The following DHRSX variants were observed in gnomAD, a reference collection of about 807,000 sequenced individuals.
The protein encoded by DHRSX is dehydrogenase/reductase X-linked, also known as polyprenol dehydrogenase.
A neutral mutation model predicts 34.0 loss-of-function variants in DHRSX; 31 were observed. That is an observed-to-expected ratio of 0.91 (90% CI 0.69 to 1.23). The LOEUF is 1.23. Among genes scored for constraint, DHRSX ranks in the 50% most tolerant of loss-of-function variants. The pLI is 0.00. For synonymous variants in DHRSX, 201 were observed against 183.8 expected (o/e 1.09, Z -0.76); for missense variants, 414 against 428.1 (o/e 0.97, Z 0.29).
chrX:2,224,007 G>A (rs946679567), intron 6 of DHRSX, among the ~76,000 whole-genome samples: 10 of 152,220 alleles, frequency 6.6e-5, no homozygotes, highest in African/African-American at 1.4e-4. Context: ...TTCCTGCTGC[G>A]CAGAAATGAG....
intron 5 of DHRSX, chrX:2,261,829 G>A (rs1328612254): frequency 6.6e-6 from 1 of 152,134 alleles, no homozygotes; most frequent in African/African-American, 2.4e-5. Flanking sequence ...CAACCCCAAA[G>A]TGAGCTCTCA....
chrX:2,291,899 T>TTG (rs1236307345), intron 3 of DHRSX, among the ~76,000 whole-genome samples: 1 of 146,278 alleles, frequency 6.8e-6, no homozygotes, highest in African/African-American at 2.5e-5. Flanking sequence ...TTTTTGTATT[T>TTG]TTTTTTTTTT....
At chrX:2,314,457 GGAAGGAAGGGGA>G (rs2042214142) in intron 3 of DHRSX, among the ~76,000 whole-genome samples, 1 of 75,830 alleles carries the variant, frequency 1.3e-5, no homozygotes, top group Non-Finnish European at 2.9e-5. Context: ...GGAGAAGGGA[GGAAGGAAGGGGA>G]GAAGGAAGGA....
intron 5 of DHRSX, among the ~76,000 whole-genome samples, chrX:2,246,804 C>T (rs36174613): frequency 0.44 from 65,669 of 150,638 alleles, 15,636 homozygotes; most frequent in Middle Eastern, 0.58. Context: ...AAACTTTGAC[C>T]TAAGGATCTG....
intron 5 of DHRSX, among the ~76,000 whole-genome samples, chrX:2,248,347 G>A (rs1297946647): frequency 1.3e-5 from 2 of 150,856 alleles, no homozygotes; most frequent in Non-Finnish European, 3.0e-5. Flanking sequence ...GCAGGAGAAT[G>A]GTGTGAACCC....
intron 1 of DHRSX, among the ~76,000 whole-genome samples, chrX:2,441,792 G>T (rs1156372623): frequency 1.3e-5 from 2 of 152,180 alleles, no homozygotes; most frequent in Non-Finnish European, 2.9e-5. Flanking sequence ...GACTCACACG[G>T]CTGGGCACAG....
chrX:2,291,265 G>A (rs1255909411), intron 4 of DHRSX, among the ~76,000 whole-genome samples: 1 of 152,174 alleles, frequency 6.6e-6, no homozygotes, highest in Non-Finnish European at 1.5e-5. Context: ...ACAAGTCAAC[G>A]TGTCAACTCC....
At chrX:2,420,364 C>T (rs1167875864) in intron 2 of DHRSX, among the ~76,000 whole-genome samples, 4 of 150,860 alleles carry the variant, frequency 2.7e-5, no homozygotes, top group African/African-American at 4.9e-5. Flanking sequence ...GCTGAGATCG[C>T]GCCACTGCAC....
intron 3 of DHRSX, among the ~76,000 whole-genome samples, chrX:2,342,457 G>T (rs1259083500): frequency 6.6e-6 from 1 of 151,932 alleles, no homozygotes; most frequent in African/African-American, 2.4e-5. Flanking sequence ...CCATGAGTTC[G>T]ACGGTGCCCA....
chrX:2,230,018 T>C (rs1437020687), intron 6 of DHRSX, among the ~76,000 whole-genome samples: 1 of 152,206 alleles, frequency 6.6e-6, no homozygotes, highest in African/African-American at 2.4e-5. Flanking sequence ...TGTGCACACA[T>C]GCATGTGGGC....
At chrX:2,377,742 CT>C (rs745465210) in intron 3 of DHRSX, among the ~76,000 whole-genome samples, 8,097 of 144,336 alleles carry the variant, frequency 0.056, 427 homozygotes, top group African/African-American at 0.14. Context: ...GCACACAATA[CT>C]TTTTTTTTTT....
chrX:2,243,922 A>G (rs1225062536), intron 5 of DHRSX, among the ~76,000 whole-genome samples: 1 of 145,664 alleles, frequency 6.9e-6, no homozygotes, highest in Non-Finnish European at 1.5e-5. Flanking sequence ...GGCTCCTGTC[A>G]CCACGCCCGG....
At chrX:2,390,144 C>CCCT (rs1166056838) in intron 3 of DHRSX, among the ~76,000 whole-genome samples, 1 of 128,184 alleles carries the variant, frequency 7.8e-6, no homozygotes. Context: ...GCATTTTAAC[C>CCCT]TTTTTTTTTT....
chrX:2,289,116 T>C (rs2041838093), intron 4 of DHRSX, among the ~76,000 whole-genome samples: 1 of 151,912 alleles, frequency 6.6e-6, no homozygotes, highest in African/African-American at 2.4e-5. Context: ...ATATCTGACA[T>C]TCCTAATTTT....
intron 3 of DHRSX, among the ~76,000 whole-genome samples, chrX:2,357,520 A>G (rs2042870906): frequency 6.6e-6 from 1 of 152,066 alleles, no homozygotes; most frequent in African/African-American, 2.4e-5. Flanking sequence ...GGAGGAACAA[A>G]AAGGACATCT....
chrX:2,440,804 C>G (rs957254239), intron 1 of DHRSX, among the ~76,000 whole-genome samples: 2 of 152,142 alleles, frequency 1.3e-5, no homozygotes, highest in East Asian at 3.9e-4. Context: ...AGCTTGCAGA[C>G]GGCCTATTGT....
intron 3 of DHRSX, 36 bp downstream of exon 3, chrX:2,408,709 A>AG: frequency 6.3e-7 from 1 of 1,580,750 alleles, no homozygotes; most frequent in Non-Finnish European, 8.6e-7. Flanking sequence ...AGGAAAAAAA[A>AG]AAACAAAAAA....
rs770253239 is a variant in DHRSX, at chrX:2,229,776, T to A, written c.805-8547A>T. The stretch of plus-strand genomic sequence containing the variant: ...GCATGCATGTGTGTGGGGGCGCAGA[T>A]GTGCGGGTATGGGCCTGCGTGTGTT... On this transcript the variant is annotated intron_variant, in intron 6 of 6. Transcript: ENST00000334651. Among the ~76,000 whole-genome samples, 3 of 152,228 alleles carry A rather than the reference T, an allele frequency of 2.0e-5. No individual in the cohort carries two copies. The East Asian group carries it at 5.8e-4, about 30-fold the overall frequency.
chrX:2,365,547 G>A (rs922627582), intron 3 of DHRSX, among the ~76,000 whole-genome samples: 27 of 152,112 alleles, frequency 1.8e-4, no homozygotes, highest in Non-Finnish European at 1.5e-5. Context: ...CCCAGAATAT[G>A]CAAACTTACA....
Sources: gnomAD v4.1 joint callset for allele counts (sites outside exome capture counted in the v4.1 genomes callset) on GRCh38, gnomAD v4.1.1 for gene constraint, MANE v1.5 for transcripts, NCBI Gene and HGNC (gene_info 2026-07-23, HGNC 2026-07-21) for gene names.